RANBP2: variants seen among roughly 807,000 people sequenced by gnomAD.
RANBP2 encodes the protein RAN binding protein 2, also known as E3 SUMO-protein ligase RanBP2.
In RANBP2, 57 loss-of-function variants were observed where a neutral mutation model predicts 303.6. The ratio of observed to expected loss-of-function variants is 0.19; its 90% confidence interval spans 0.15 to 0.23. The LOEUF is 0.23. Among genes scored for constraint, RANBP2 ranks in the 10% least tolerant of loss-of-function variants. The pLI is 1.00. For synonymous variants in RANBP2, 1,167 were observed against 1,301.5 expected, an observed-to-expected ratio of 0.90 and a Z score of 2.23; for missense variants, 3,138 against 3,780.8, an observed-to-expected ratio of 0.83 and a Z score of 4.46.
the RANBP2 span, among the ~76,000 whole-genome samples, chr2:109,182,553 A>G: frequency 2.0e-5 from 3 of 152,242 alleles, no homozygotes; most frequent in Non-Finnish European, 2.9e-5. Context: ...GGACATAGAA[A>G]GCACATGGAA....
At chr2:109,760,493 T>G in the RANBP2 span, 18 of 960,998 alleles carry the variant, frequency 1.9e-5, no homozygotes, top group Non-Finnish European at 2.2e-5. Context: ...TGAGTGTGCC[T>G]GCGCGCAAGC....
the RANBP2 span, among the ~76,000 whole-genome samples, chr2:109,279,358 T>C: frequency 6.6e-6 from 1 of 152,194 alleles, no homozygotes; most frequent in Non-Finnish European, 1.5e-5. Flanking sequence ...ACAATTAGGC[T>C]AAATCGGCAG....
At chr2:108,724,222 G>A (rs951549396) in intron 1 of RANBP2, among the ~76,000 whole-genome samples, 2 of 152,094 alleles carry the variant, frequency 1.3e-5, no homozygotes, top group Non-Finnish European at 2.9e-5. Flanking sequence ...GAGTGCAGTG[G>A]CATGGTCTCA....
At chr2:109,517,838 C>T in the RANBP2 span, among the ~76,000 whole-genome samples, 1 of 152,234 alleles carries the variant, frequency 6.6e-6, no homozygotes, top group South Asian at 2.1e-4. Flanking sequence ...ACAATGCCAT[C>T]CCCAGGTGAC....
chr2:108,748,904 T>G lies in RANBP2; in HGVS notation c.1064-16T>G, dbSNP rs377754100. Reference sequence around the variant, plus strand: ...TAATTTTAAAGTGATGGAAATAACTTAAATTTTTTTTTCAGGGCACATGTT... The same window carrying G: ...TAATTTTAAAGTGATGGAAATAACTGAAATTTTTTTTTCAGGGCACATGTT... On this transcript the variant is annotated splice_polypyrimidine_tract_variant and intron_variant, in intron 8 of 28. Coordinates refer to ENST00000283195, the MANE Select transcript of RANBP2 (RefSeq NM_006267.5). 2.5e-5 allele frequency: 40 copies of G among 1,611,128 alleles called. No homozygotes were observed. Among genetic ancestry groups the G allele is most frequent in the Admixed American group, 1.2e-4 (7 of 59,970 alleles).
chr2:109,132,662 G>A, the RANBP2 span, among the ~76,000 whole-genome samples: 1 of 152,218 alleles, frequency 6.6e-6, no homozygotes, highest in Non-Finnish European at 1.5e-5. Flanking sequence ...GTGTTCATAT[G>A]TGTTACTTCT....
chr2:109,133,001 A>G, the RANBP2 span, among the ~76,000 whole-genome samples: 2 of 152,258 alleles, frequency 1.3e-5, no homozygotes, highest in African/African-American at 4.8e-5. Flanking sequence ...CCTATACAGA[A>G]CATCTTCTGC....
At chr2:109,521,599 T>G in the RANBP2 span, among the ~76,000 whole-genome samples, 7 of 152,200 alleles carry the variant, frequency 4.6e-5, no homozygotes, top group Admixed American at 4.6e-4. Context: ...TTCACTGAAG[T>G]CTATTCTATT....
At chr2:109,519,830 G>A in the RANBP2 span, among the ~76,000 whole-genome samples, 6 of 152,248 alleles carry the variant, frequency 3.9e-5, no homozygotes, top group Middle Eastern at 3.4e-3. Flanking sequence ...CTGAAATTAC[G>A]AAATGATAGA....
the RANBP2 span, among the ~76,000 whole-genome samples, chr2:109,661,035 T>C: frequency 6.6e-6 from 1 of 152,172 alleles, no homozygotes. Context: ...AGATATATGA[T>C]AAAATAGATA....
At chr2:109,588,458 T>C in the RANBP2 span, among the ~76,000 whole-genome samples, 1 of 152,094 alleles carries the variant, frequency 6.6e-6, no homozygotes, top group African/African-American at 2.4e-5. Flanking sequence ...GAAGGAATAT[T>C]GTTATAAGGT....
At chr2:109,558,537 G>A in the RANBP2 span, among the ~76,000 whole-genome samples, 3 of 152,178 alleles carry the variant, frequency 2.0e-5, no homozygotes, top group African/African-American at 4.8e-5. Context: ...ATAAAGGCAT[G>A]TTTCCAATGG....
chr2:108,962,324 G>A, the RANBP2 span, among the ~76,000 whole-genome samples: 2 of 152,166 alleles, frequency 1.3e-5, no homozygotes, highest in African/African-American at 4.8e-5. Flanking sequence ...ATGAAATGGA[G>A]GATTAAAGAG....
At chr2:109,323,731 T>A in the RANBP2 span, among the ~76,000 whole-genome samples, 3 of 152,216 alleles carry the variant, frequency 2.0e-5, no homozygotes, top group Admixed American at 6.5e-5. Flanking sequence ...CCTGTAAGAG[T>A]GGGCATGAGG....
At chr2:108,936,359 G>A in the RANBP2 span, among the ~76,000 whole-genome samples, 36 of 152,226 alleles carry the variant, frequency 2.4e-4, no homozygotes, top group Non-Finnish European at 4.7e-4. Flanking sequence ...ACCGCATCAC[G>A]GACAGGGAGG....
At chr2:109,016,246 T>C in the RANBP2 span, among the ~76,000 whole-genome samples, 2 of 151,338 alleles carry the variant, frequency 1.3e-5, no homozygotes, top group Admixed American at 1.3e-4. Flanking sequence ...CACGCCCGGC[T>C]AATTTTTTTT....
the RANBP2 span, chr2:109,398,572 C>G: frequency 6.5e-7 from 1 of 1,533,248 alleles, no homozygotes; most frequent in Non-Finnish European, 8.8e-7. Context: ...AGCCTCCCCT[C>G]TCCCCTTTCT....
chr2:108,825,986 A>C, the RANBP2 span, among the ~76,000 whole-genome samples: 1 of 152,126 alleles, frequency 6.6e-6, no homozygotes, highest in Admixed American at 6.5e-5. Context: ...TATGGTTTTC[A>C]TTCATGTTTC....
the RANBP2 span, chr2:108,816,098 G>C: frequency 6.2e-7 from 1 of 1,600,460 alleles, no homozygotes; most frequent in Non-Finnish European, 8.5e-7. Flanking sequence ...CAGGAGAAGT[G>C]TGTAAAGGTT....
Sources: gnomAD v4.1 joint callset for allele counts (sites outside exome capture counted in the v4.1 genomes callset) on GRCh38, gnomAD v4.1.1 for gene constraint, MANE v1.5 for transcripts, NCBI Gene and HGNC (gene_info 2026-07-23, HGNC 2026-07-21) for gene names.